Variants in GABRR1 observed in about 807,000 individuals in gnomAD.
GABRR1 encodes the protein gamma-aminobutyric acid type A receptor subunit rho1.
Under a neutral mutation model 55.5 loss-of-function variants are expected in GABRR1, and 59 were observed. The observed-to-expected ratio is 1.06, with a 90% confidence interval of 0.86 to 1.32. The LOEUF is 1.32. GABRR1 is among the 40% of genes most tolerant of loss of function. The pLI, the probability that GABRR1 is intolerant of heterozygous loss-of-function variation, is 0.00. For synonymous variants in GABRR1, 213 were observed against 226.0 expected, an observed-to-expected ratio of 0.94 and a Z score of 0.51; for missense variants, 602 against 619.1, an observed-to-expected ratio of 0.97 and a Z score of 0.29.
At chr6:89,218,150 G>A (rs1314344357), upstream of GABRR1, among the ~76,000 whole-genome samples, 1 of 152,118 alleles carries the variant, frequency 6.6e-6, no homozygotes, top group African/African-American at 2.4e-5. Flanking sequence ...TCAGAGCCTC[G>A]TGGAAGAGAC....
At chr6:89,190,029 G>A (rs1000577611) in intron 6 of GABRR1, 136 bp downstream of exon 6, 5 of 505,986 alleles carry the variant, frequency 9.9e-6, no homozygotes, top group Non-Finnish European at 1.7e-5. Context: ...CCAGGCGACA[G>A]TGTGAGACTC....
chr6:89,192,166 G>T (rs1018775392), intron 5 of GABRR1, among the ~76,000 whole-genome samples: 1 of 152,134 alleles, frequency 6.6e-6, no homozygotes, highest in Non-Finnish European at 1.5e-5. Flanking sequence ...TCTGTGGCTG[G>T]GCGGCTTCCT....
intron 1 of GABRR1, 145 bp downstream of exon 1, chr6:89,217,056 C>A: frequency 1.4e-6 from 1 of 739,132 alleles, no homozygotes; most frequent in South Asian, 2.2e-5. Flanking sequence ...AGGGGAGCAG[C>A]AGGAGAACAA....
chr6:89,205,596 G>A (rs978168507), intron 1 of GABRR1: 3 of 152,252 alleles, frequency 2.0e-5, no homozygotes, highest in African/African-American at 7.2e-5. Context: ...TCTGTGCATG[G>A]ATGTTTTCCC....
rs754269663 is a variant in GABRR1, at chr6:89,217,239, C to G, written c.84G>C (p.Trp28Cys). The G allele has an allele frequency of 7.4e-6, 12 of 1,613,954 alleles. No individual in the cohort carries two copies. The highest frequency in any genetic ancestry group is 2.7e-5 in the African/African-American group (2 of 74,906). Residue 28 changes from tryptophan to cysteine, a missense_variant, in exon 1 of 10, where the codon TGG becomes TGC. Coordinates refer to ENST00000454853, the MANE Select transcript of GABRR1 (RefSeq NM_002042.5). ...WVLATESRMH[W>C]PGREVHEMSK... Reference sequence around the variant, plus strand: ...ACATCTCGTGGACTTCTCTTCCGGGCCAGTGCATTCTGCTTTCAGTGGCCA... The same window carrying G: ...ACATCTCGTGGACTTCTCTTCCGGGGCAGTGCATTCTGCTTTCAGTGGCCA...
At chr6:89,226,197 T>G (rs1284862720) in intron 1 of GABRR1, among the ~76,000 whole-genome samples, 1 of 151,192 alleles carries the variant, frequency 6.6e-6, no homozygotes, top group Non-Finnish European at 1.5e-5. Flanking sequence ...TGCGAAAATT[T>G]TCTCCCATTT....
upstream of GABRR1, among the ~76,000 whole-genome samples, chr6:89,218,600 G>A (rs114099085): frequency 3.5e-4 from 54 of 152,254 alleles, no homozygotes; most frequent in African/African-American, 1.2e-3. Context: ...GTTTGCATAG[G>A]TTTAGTAAGA....
chr6:89,215,620 C>A (rs1269225842), intron 1 of GABRR1, among the ~76,000 whole-genome samples: 1 of 152,072 alleles, frequency 6.6e-6, no homozygotes, highest in African/African-American at 2.4e-5. Context: ...AGCATGGTGA[C>A]CACAGTTAAA....
At chr6:89,230,911 C>T (rs149985742) in intron 1 of GABRR1, among the ~76,000 whole-genome samples, 5,984 of 150,610 alleles carry the variant, frequency 0.04, 197 homozygotes, top group Middle Eastern at 0.072. Flanking sequence ...TAGCAATCAG[C>T]GAGATTCCAT....
intron 1 of GABRR1, among the ~76,000 whole-genome samples, chr6:89,216,089 T>G (rs1357800397): frequency 6.6e-6 from 1 of 152,190 alleles, no homozygotes; most frequent in Admixed American, 6.5e-5. Context: ...GTGGCCTCCC[T>G]TAGCACCCCA....
chr6:89,188,015 TA>T, intron 6 of GABRR1, among the ~76,000 whole-genome samples: 2 of 151,542 alleles, frequency 1.3e-5, no homozygotes, highest in Middle Eastern at 6.8e-3. Context: ...CATATGTTCT[TA>T]ATTTTTTTTT....
chr6:89,197,296 C>T (rs439912), intron 5 of GABRR1, among the ~76,000 whole-genome samples: 88,491 of 151,586 alleles, frequency 0.58, 26,313 homozygotes, highest in East Asian at 0.93. Flanking sequence ...TGGAATGCAC[C>T]GTCCACAAAG....
intron 1 of GABRR1, among the ~76,000 whole-genome samples, chr6:89,224,236 T>C (rs1200878507): frequency 2.6e-5 from 4 of 151,662 alleles, no homozygotes; most frequent in African/African-American, 9.7e-5. Flanking sequence ...GGATTACAGG[T>C]ATGCATTACC....
chr6:89,224,052 C>A, intron 1 of GABRR1, among the ~76,000 whole-genome samples: 1 of 151,566 alleles, frequency 6.6e-6, no homozygotes, highest in South Asian at 2.1e-4. Context: ...TGAGCCACCA[C>A]GCCTGGCCGC....
chr6:89,212,630 G>A lies in GABRR1; in HGVS notation c.122+4571C>T, dbSNP rs558766159. On this transcript the variant is annotated intron_variant, in intron 1 of 9. Transcript: ENST00000454853. ...GTTTCCATTCTTCCAGGGAAGAGAGGAGGAGAGGACCGGCAGTAAGTTTTG... is the reference window on the plus strand; with the variant it reads ...GTTTCCATTCTTCCAGGGAAGAGAGAAGGAGAGGACCGGCAGTAAGTTTTG... Among the ~76,000 whole-genome samples, 268 of 151,866 alleles carry A rather than the reference G, an allele frequency of 1.8e-3. 2 individuals are homozygous for A. Among genetic ancestry groups the A allele is most frequent in the African/African-American group, 6.0e-3 (247 of 41,350 alleles).
At position 89,188,923 on chromosome 6, in the gene GABRR1, G is replaced by C. The variant is rs570429529; in HGVS notation, c.655+1242C>G. On this transcript the variant is annotated intron_variant, in intron 6 of 9. Coordinates refer to ENST00000454853, the MANE Select transcript of GABRR1 (RefSeq NM_002042.5). ...ACCACCACACGAACTCACAGTGGCAGTTCCCTAGGGCAACTGTTGTCAAAC... is the reference window on the plus strand; with the variant it reads ...ACCACCACACGAACTCACAGTGGCACTTCCCTAGGGCAACTGTTGTCAAAC... Among the ~76,000 whole-genome samples the C allele has an allele frequency of 2.6e-5, 4 of 152,214 alleles. No individual in the cohort carries two copies. In the South Asian group the frequency reaches 8.3e-4, roughly 32 times the overall value.
At chr6:89,194,995 T>C (rs992391315) in intron 5 of GABRR1, among the ~76,000 whole-genome samples, 3 of 151,950 alleles carry the variant, frequency 2.0e-5, no homozygotes, top group African/African-American at 7.3e-5. Flanking sequence ...CAGGAAACTT[T>C]CCAAAACTCA....
rs1339930348 is a variant in GABRR1 at position 89,177,783 on chromosome 6, A to C, written c.*987T>G. On this transcript the variant is annotated 3_prime_UTR_variant, in exon 10 of 10. Transcript: ENST00000454853. ...CGAGTATAAATGCAGATGTCCAGTG[A>C]TATCTTCCCATTTATTTTGCTTTCC... is the stretch of plus-strand genomic sequence containing the variant. 6.6e-6 allele frequency: 1 copy of C among 152,150 alleles called. No individual in the cohort carries two copies. Among genetic ancestry groups the C allele is most frequent in the Non-Finnish European group, 1.5e-5 (1 of 68,026 alleles). The allele number at this position is 152,150 out of a possible 1,614,324, so 9.4% of individuals were successfully genotyped here. A position where few individuals can be genotyped will look rare whatever the true frequency, so the allele number is the denominator to read the frequency against.
intron 7 of GABRR1, among the ~76,000 whole-genome samples, chr6:89,182,520 C>T (rs976588134): frequency 6.6e-6 from 1 of 152,150 alleles, no homozygotes; most frequent in Admixed American, 6.6e-5. Context: ...GAACTCCTGG[C>T]TTCAAGTGAT....
Sources: allele counts gnomAD v4.1 joint callset (sites outside exome capture counted in the v4.1 genomes callset), GRCh38; gene constraint gnomAD v4.1.1; transcripts MANE v1.5; gene names NCBI Gene and HGNC (gene_info 2026-07-23, HGNC 2026-07-21).